The following OPRD1 variants were observed in gnomAD, a reference collection of about 807,000 sequenced individuals.
The protein encoded by OPRD1 is opioid receptor delta 1.
A neutral mutation model predicts 17.5 loss-of-function variants in OPRD1; 19 were observed. That is an observed-to-expected ratio of 1.09 (90% confidence interval 0.76 to 1.60). OPRD1 has a LOEUF of 1.60. OPRD1 is among the 40% of genes most tolerant of loss of function. The pLI, the probability that OPRD1 is intolerant of heterozygous loss-of-function variation, is 0.00. For synonymous variants in OPRD1, 256 were observed against 240.9 expected (o/e 1.06, Z -0.58); for missense variants, 483 against 547.2 (o/e 0.88, Z 1.17).
intron 1 of OPRD1, among the ~76,000 whole-genome samples, chr1:28,849,131 G>A (rs557516827): frequency 1.3e-5 from 2 of 152,278 alleles, no homozygotes; most frequent in African/African-American, 4.8e-5. Flanking sequence ...GGCCAGGCAC[G>A]GTGGCTCATG....
At chr1:28,828,212 T>C (rs947887419) in intron 1 of OPRD1, among the ~76,000 whole-genome samples, 2 of 152,234 alleles carry the variant, frequency 1.3e-5, no homozygotes, top group Non-Finnish European at 2.9e-5. Context: ...ACAGAATGGA[T>C]GTTGTGTTAG....
intron 1 of OPRD1, among the ~76,000 whole-genome samples, chr1:28,849,078 G>C (rs1483024112): frequency 6.6e-6 from 1 of 152,128 alleles, no homozygotes; most frequent in Admixed American, 6.5e-5. Context: ...AGCAGACACA[G>C]AAAGGGTCAG....
intron 1 of OPRD1, among the ~76,000 whole-genome samples, chr1:28,816,175 G>A (rs981319703): frequency 3.0e-4 from 45 of 152,226 alleles, no homozygotes; most frequent in African/African-American, 9.1e-4. Flanking sequence ...AAACCACACC[G>A]TGCTCCAGAC....
At chr1:28,852,159 C>T (rs573009435) in intron 1 of OPRD1, among the ~76,000 whole-genome samples, 26 of 112,812 alleles carry the variant, frequency 2.3e-4, no homozygotes, top group Admixed American at 9.3e-4. Flanking sequence ...AGAGCAAACT[C>T]CATGTAAAAA....
chr1:28,850,744 G>A (rs1384203443), intron 1 of OPRD1, among the ~76,000 whole-genome samples: 2 of 150,742 alleles, frequency 1.3e-5, no homozygotes, highest in Non-Finnish European at 2.9e-5. Context: ...GATCACACGA[G>A]TGCACTCCAG....
chr1:28,812,867 G>A (rs188866773), intron 1 of OPRD1, among the ~76,000 whole-genome samples: 149 of 150,780 alleles, frequency 9.9e-4, no homozygotes, highest in Non-Finnish European at 1.3e-3. Context: ...TCATCTGTTG[G>A]CATCCCCTTG....
At chr1:28,861,333 A>T (rs1169411359) in intron 2 of OPRD1, among the ~76,000 whole-genome samples, 1 of 151,824 alleles carries the variant, frequency 6.6e-6, no homozygotes, top group African/African-American at 2.4e-5. Flanking sequence ...CCAAGCCCAC[A>T]CTCCAGGAAT....
At chr1:28,836,243 C>A (rs190682989) in intron 1 of OPRD1, among the ~76,000 whole-genome samples, 11 of 152,188 alleles carry the variant, frequency 7.2e-5, no homozygotes, top group African/African-American at 2.6e-4. Context: ...CAGCCAGGCG[C>A]GGTGGCTCAC....
At chr1:28,849,245 A>AT (rs370469284) in intron 1 of OPRD1, among the ~76,000 whole-genome samples, 8,563 of 149,032 alleles carry the variant, frequency 0.057, 257 homozygotes, top group South Asian at 0.091. Context: ...CTCTATTTTA[A>AT]TTTTTTTTTT....
At position 28,870,936 on chromosome 1, in the gene OPRD1, C is replaced by A. The variant is rs1020794542; in HGVS notation, c.*7653C>A. The A allele has an allele frequency of 6.6e-6, 1 of 152,248 alleles. No homozygotes were observed. The highest frequency in any genetic ancestry group is 2.4e-5 in the African/African-American group (1 of 41,456). The allele number at this position is 152,248 out of a possible 1,614,324, so 9.4% of individuals were successfully genotyped here. On this transcript the variant is annotated 3_prime_UTR_variant, in exon 3 of 3. Coordinates refer to ENST00000234961, the MANE Select transcript of OPRD1 (RefSeq NM_000911.4). ...GTGTTGGGCAGGTCTCTGTCCCTCT[C>A]TGGGCCTCTGCACGATGGAGGGGTA...
chr1:28,857,757 G>A (rs1468788412), intron 1 of OPRD1, among the ~76,000 whole-genome samples: 2 of 152,054 alleles, frequency 1.3e-5, no homozygotes, highest in African/African-American at 4.8e-5. Context: ...CAAAGTGCTG[G>A]GATTACAGGC....
rs140701406 is a variant in OPRD1, at chr1:28,827,566, A to C, written c.227+14956A>C. On this transcript the variant is annotated intron_variant, in intron 1 of 2. Coordinates refer to ENST00000234961, the MANE Select transcript of OPRD1 (RefSeq NM_000911.4). ...CATTAAAGTTTTTTCATGAGATTGCAGCAGCAGCAATTCAGTCACATCTTC... is the reference window on the plus strand; with the variant it reads ...CATTAAAGTTTTTTCATGAGATTGCCGCAGCAGCAATTCAGTCACATCTTC... 2.3e-3 allele frequency among the ~76,000 whole-genome samples: 358 copies of C among 152,342 alleles called. 2 individuals are homozygous for C. Among genetic ancestry groups the C allele is most frequent in the Middle Eastern group, 0.014 (4 of 294 alleles).
At chr1:28,851,610 G>C (rs1569643355) in intron 1 of OPRD1, among the ~76,000 whole-genome samples, 1 of 152,140 alleles carries the variant, frequency 6.6e-6, no homozygotes, top group Non-Finnish European at 1.5e-5. Context: ...CGTGGCTCAC[G>C]CCTGTAATCC....
At chr1:28,822,855 C>A (rs1276260357) in intron 1 of OPRD1, among the ~76,000 whole-genome samples, 1 of 152,116 alleles carries the variant, frequency 6.6e-6, no homozygotes, top group Admixed American at 6.6e-5. Context: ...GATGTCTGGA[C>A]TTTGAGAGGC....
intron 1 of OPRD1, among the ~76,000 whole-genome samples, chr1:28,851,854 T>A (rs1354312411): frequency 9.6e-5 from 8 of 83,360 alleles, no homozygotes; most frequent in Admixed American, 3.6e-4. Flanking sequence ...AAACTCCGTC[T>A]CAAAAAAAAG....
At chr1:28,858,324 C>T (rs1442970123) in intron 1 of OPRD1, among the ~76,000 whole-genome samples, 1 of 150,852 alleles carries the variant, frequency 6.6e-6, no homozygotes, top group Non-Finnish European at 1.5e-5. Flanking sequence ...CCGTGTTAGC[C>T]AGGATGGTCT....
Position 28,815,703 on chromosome 1 carries a change from GGCAGCCCAA to G in OPRD1, c.227+3098_227+3106del, listed in dbSNP as rs1174775829. Among the ~76,000 whole-genome samples, 7 of 152,340 alleles carry G rather than the reference GGCAGCCCAA, an allele frequency of 4.6e-5. No individual in the cohort carries two copies. In the East Asian group the frequency reaches 1.4e-3, roughly 29 times the overall value. The stretch of plus-strand genomic sequence containing the variant: ...AGCTGCGCTCCATCTGCGGTTTCCT[GGCAGCCCAA>G]GCAGGGCCTGCCACAACCAGTACAT... On this transcript the variant is annotated intron_variant, in intron 1 of 2. Transcript: ENST00000234961.
chr1:28,853,942 T>C (rs1417125467), intron 1 of OPRD1, among the ~76,000 whole-genome samples: 2 of 151,988 alleles, frequency 1.3e-5, no homozygotes, highest in Non-Finnish European at 2.9e-5. Context: ...GGTTTTTCCA[T>C]GTTGTCCAGG....
At chr1:28,829,680 G>A (rs929237736) in intron 1 of OPRD1, among the ~76,000 whole-genome samples, 3 of 148,562 alleles carry the variant, frequency 2.0e-5, no homozygotes, top group African/African-American at 7.5e-5. Flanking sequence ...TCTAGATTTT[G>A]ATCTACAGTG....
Sources: gnomAD v4.1 joint callset for allele counts (sites outside exome capture counted in the v4.1 genomes callset) on GRCh38, gnomAD v4.1.1 for gene constraint, MANE v1.5 for transcripts, NCBI Gene and HGNC (gene_info 2026-07-23, HGNC 2026-07-21) for gene names.